ICE1: variants seen among roughly 807,000 people sequenced by gnomAD.
ICE1 encodes the protein interactor of little elongation complex ELL subunit 1.
Under a neutral mutation model 192.7 loss-of-function variants are expected in ICE1, and 64 were observed. That is an observed-to-expected ratio of 0.33 (90% CI 0.27 to 0.41). The LOEUF (loss-of-function observed/expected upper bound fraction) is 0.41, where lower values mean the gene tolerates loss of function less well. Among genes scored for constraint, ICE1 ranks in the 10% least tolerant of loss-of-function variants. The probability of loss-of-function intolerance (pLI) is 1.00; values close to 1 mark genes in which losing one functional copy is unlikely to be tolerated. For synonymous variants in ICE1, 1,010 were observed against 984.5 expected (o/e 1.03, Z -0.49); for missense variants, 2,708 against 2,696.0 (o/e 1.00, Z -0.10).
intron 1 of ICE1, 127 bp from the exon 2 acceptor site, chr5:5,436,291 G>C (rs897267004): frequency 2.6e-5 from 15 of 582,166 alleles, no homozygotes; most frequent in Non-Finnish European, 3.4e-5. Flanking sequence ...CACAATATAA[G>C]TAATGCATTA....
chr5:5,462,408 G>GA lies in ICE1; in HGVS notation c.3074_3075insA (p.Arg1026GlufsTer5). On this transcript the variant is annotated frameshift_variant, in exon 13 of 19. Transcript: ENST00000296564. LOFTEE classifies it high-confidence loss of function. ...GAAGAAACCAGCTGTGGAGACACAG[G>GA]GAGATCTGGTGGTGAGGCCCTGGCT... 1 of 1,614,018 alleles carries GA rather than the reference G, an allele frequency of 6.2e-7. No homozygotes were observed. Among genetic ancestry groups the GA allele is most frequent in the Non-Finnish European group, 8.5e-7 (1 of 1,179,896 alleles).
chr5:5,461,928 CAA>C lies in ICE1; in HGVS notation c.2595_2596del (p.Arg866ThrfsTer2). On this transcript the variant is annotated frameshift_variant, in exon 13 of 19. Transcript: ENST00000296564. LOFTEE classifies it high-confidence loss of function. ...CAAGTATCAGTTATCACAAAACAGA[CAA>C]GACCTGAAAAGGTTCAGAGTGCCAA... 6.2e-7 allele frequency: 1 copy of C among 1,613,862 alleles called. No individual in the cohort carries two copies. The highest frequency in any genetic ancestry group is 8.5e-7 in the Non-Finnish European group (1 of 1,179,892).
At chr5:5,423,285 C>T (rs900528886) in intron 1 of ICE1, among the ~76,000 whole-genome samples, 1 of 152,154 alleles carries the variant, frequency 6.6e-6, no homozygotes, top group Non-Finnish European at 1.5e-5. Context: ...CCCACCTTCC[C>T]TACCCGGCCT....
Position 5,461,233 on chromosome 5 carries a change from T to C in ICE1, c.1899T>C (p.Ser633=). ...GLDIETSFSS[S]STLVALSVGS... ...ACATTGAAACCAGTTTTTCTTCCTCTTCTACCTTGGTAGCATTGTCTGTTG... is the reference window on the plus strand; with the variant it reads ...ACATTGAAACCAGTTTTTCTTCCTCCTCTACCTTGGTAGCATTGTCTGTTG... The change falls in exon 13 of 19, where the codon TCT becomes TCC. Residue 633 remains serine, a synonymous_variant. Transcript: ENST00000296564. 6.2e-7 allele frequency: 1 copy of C among 1,614,036 alleles called. No homozygotes were observed. The highest frequency in any genetic ancestry group is 8.5e-7 in the Non-Finnish European group (1 of 1,179,902).
At position 5,464,005 on chromosome 5, in the gene ICE1, G is replaced by T. The variant is rs1476710260; in HGVS notation, c.4671G>T (p.Lys1557Asn). Residue 1557 changes from lysine (K) to asparagine (N), a missense_variant, in exon 13 of 19, where the codon AAG (lysine) becomes AAT (asparagine). Lys to Asn is a moderately conservative substitution (Grantham distance 94, BLOSUM62 0). This residue lies in a region of ICE1 where 2,366 missense variants were observed against 2,276.6 expected (regional missense o/e 1.04). Transcript: ENST00000296564. The surrounding 1 kb of genome is among the most constrained non-coding windows in gnomAD (Gnocchi z 4.0). ...EPSGKNKNRS[K>N]ISNKDQSNKP... Reference sequence around the variant, plus strand: ...CTGGCAAAAATAAGAATCGATCAAAGATTTCAAACAAAGATCAGTCAAACA... The same window carrying T: ...CTGGCAAAAATAAGAATCGATCAAATATTTCAAACAAAGATCAGTCAAACA... 1 of 1,613,656 alleles carries T rather than the reference G, an allele frequency of 6.2e-7. No homozygotes were observed. The highest frequency in any genetic ancestry group is 2.2e-5 in the East Asian group (1 of 44,882).
At position 5,422,895 on chromosome 5, in the gene ICE1, A is replaced by T; in HGVS notation, c.-21A>T. ...GCGGGCCCCTGAGGCGTGCGTGCCC[A>T]CCGGGCCCGGCGGCGGCACCATGAT... On this transcript the variant is annotated 5_prime_UTR_variant, in exon 1 of 19. Transcript: ENST00000296564. 7.4e-7 allele frequency: 1 copy of T among 1,359,980 alleles called. No homozygotes were observed. Among genetic ancestry groups the T allele is most frequent in the Non-Finnish European group, 9.5e-7 (1 of 1,055,626 alleles). The allele number at this position is 1,359,980 out of a possible 1,614,324, so 84.2% of individuals were successfully genotyped here.
chr5:5,427,912 T>C (rs538534204), intron 1 of ICE1, among the ~76,000 whole-genome samples: 1 of 152,164 alleles, frequency 6.6e-6, no homozygotes, highest in Non-Finnish European at 1.5e-5. Flanking sequence ...TGAGGTACTC[T>C]GGGAGCATGT....
At chr5:5,484,958 G>A (rs1739599677) in intron 17 of ICE1, among the ~76,000 whole-genome samples, 2 of 152,128 alleles carry the variant, frequency 1.3e-5, no homozygotes, top group African/African-American at 4.8e-5. Flanking sequence ...TGGATGGAGG[G>A]AACAGGATTC....
intron 13 of ICE1, among the ~76,000 whole-genome samples, chr5:5,466,090 T>G (rs1738975680): frequency 6.6e-6 from 1 of 152,192 alleles, no homozygotes; most frequent in South Asian, 2.1e-4. Context: ...CATTCTGGCA[T>G]CTGCAGCATT....
At chr5:5,424,886 G>C (rs1279269291) in intron 1 of ICE1, among the ~76,000 whole-genome samples, 11 of 152,212 alleles carry the variant, frequency 7.2e-5, no homozygotes, top group African/African-American at 2.7e-4. Flanking sequence ...TGGGAGTCAG[G>C]AAGGTAGGAG....
intron 1 of ICE1, among the ~76,000 whole-genome samples, chr5:5,427,986 T>C (rs149860070): frequency 6.6e-6 from 1 of 152,240 alleles, no homozygotes; most frequent in East Asian, 1.9e-4. Flanking sequence ...TGAATCTAAA[T>C]TGAGGTCTGA....
At chr5:5,484,057 G>A (rs972335969) in intron 17 of ICE1, among the ~76,000 whole-genome samples, 1 of 152,154 alleles carries the variant, frequency 6.6e-6, no homozygotes, top group African/African-American at 2.4e-5. Flanking sequence ...TGTCATGGAC[G>A]TTGAGATTAG....
intron 3 of ICE1, among the ~76,000 whole-genome samples, chr5:5,439,042 G>A (rs1245253746): frequency 6.6e-6 from 1 of 152,070 alleles, no homozygotes; most frequent in Non-Finnish European, 1.5e-5. Context: ...TTTTTTTCAA[G>A]ATGGGAAAGT....
In ICE1 at chr5:5,474,452, C is replaced by T. The variant is rs530062664; in HGVS notation, c.6413+704C>T. On this transcript the variant is annotated intron_variant, in intron 16 of 18. Coordinates refer to ENST00000296564, the MANE Select transcript of ICE1 (RefSeq NM_015325.3). ...ATGTATGTTGAATGAAATTAATTAT[C>T]ATTATCGTAACATACAGATACTCAC... Among the ~76,000 whole-genome samples the T allele has an allele frequency of 6.6e-5, 10 of 152,206 alleles. 2 individuals are homozygous for T. The South Asian group carries it at 2.1e-3, about 32-fold the overall frequency.
chr5:5,437,991 A>T (rs922342036), intron 3 of ICE1, among the ~76,000 whole-genome samples: 1 of 152,196 alleles, frequency 6.6e-6, no homozygotes, highest in Non-Finnish European at 1.5e-5. Context: ...TACCATCTGT[A>T]CTAGTTGATT....
chr5:5,473,784 A>G, intron 16 of ICE1, 36 bp downstream of exon 16: 3 of 1,438,914 alleles, frequency 2.1e-6, no homozygotes, highest in East Asian at 5.1e-5. Context: ...AAGATATGTT[A>G]TTGTAAGGTT....
chr5:5,486,959 C>T (rs1208139413), intron 18 of ICE1, 140 bp downstream of exon 18: 3 of 578,470 alleles, frequency 5.2e-6, no homozygotes, highest in Non-Finnish European at 9.1e-6. Flanking sequence ...CAAAACATTC[C>T]AGCATTAATA....
intron 17 of ICE1, among the ~76,000 whole-genome samples, chr5:5,478,284 G>C (rs555789842): frequency 6.6e-6 from 1 of 152,288 alleles, no homozygotes; most frequent in South Asian, 2.1e-4. Context: ...AAATCAATGT[G>C]CAAAAATCAC....
In ICE1 at chr5:5,461,238, C is replaced by A; in HGVS notation, c.1904C>A (p.Thr635Asn). Residue 635 changes from threonine (T) to asparagine (N), a missense_variant, in exon 13 of 19, where the codon ACC becomes AAC. This residue lies in a region of ICE1 where 2,366 missense variants were observed against 2,276.6 expected (regional missense o/e 1.04). Coordinates refer to ENST00000296564, the MANE Select transcript of ICE1 (RefSeq NM_015325.3). The part of the protein sequence containing the change: ...DIETSFSSSS[T>N]LVALSVGSNP... ...GAAACCAGTTTTTCTTCCTCTTCTA[C>A]CTTGGTAGCATTGTCTGTTGGCAGT... 1 of 1,613,998 alleles carries A rather than the reference C, an allele frequency of 6.2e-7. No homozygotes were observed. Among genetic ancestry groups the A allele is most frequent in the Non-Finnish European group, 8.5e-7 (1 of 1,179,900 alleles).
Sources: gnomAD v4.1 joint callset for allele counts (sites outside exome capture counted in the v4.1 genomes callset) on GRCh38, gnomAD v4.1.1 for gene constraint, gnomAD v4.1.1 regional missense constraint, Gnocchi (gnomAD v3.1) non-coding constraint, MANE v1.5 for transcripts, NCBI Gene and HGNC (gene_info 2026-07-23, HGNC 2026-07-21) for gene names.